Variants in GOLM2 observed in about 807,000 individuals in gnomAD.
GOLM2 encodes golgi membrane protein 2, also known as protein GOLM2.
GOLM2 carries 26 observed loss-of-function variants against 55.9 expected under a neutral mutation model. The ratio of observed to expected loss-of-function variants is 0.47; its 90% CI spans 0.34 to 0.65. GOLM2 has a LOEUF of 0.65. Among genes scored for constraint, GOLM2 ranks in the 30% least tolerant of loss-of-function variants. GOLM2 has a pLI of 0.01. For synonymous variants in GOLM2, 165 were observed against 194.6 expected, an observed-to-expected ratio of 0.85 and a Z score of 1.27; for missense variants, 486 against 531.8, an observed-to-expected ratio of 0.91 and a Z score of 0.85.
intron 3 of GOLM2, among the ~76,000 whole-genome samples, chr15:44,329,144 G>A (rs2079004499): frequency 6.6e-6 from 1 of 152,196 alleles, no homozygotes; most frequent in Non-Finnish European, 1.5e-5. Flanking sequence ...AACCAGCACT[G>A]GGAGATGTTC....
At chr15:44,322,894 G>T (rs1341540583) in intron 1 of GOLM2, 71 bp from the exon 2 acceptor site, 23 of 1,057,352 alleles carry the variant, frequency 2.2e-5, no homozygotes, top group Non-Finnish European at 3.1e-5. Context: ...CAAGCTCAAA[G>T]TGAATATGAA....
chr15:44,384,607 C>T (rs566235423), intron 8 of GOLM2, among the ~76,000 whole-genome samples: 28 of 152,212 alleles, frequency 1.8e-4, no homozygotes, highest in African/African-American at 6.0e-4. Context: ...ATTAGCCGGG[C>T]GTGGTGGCGG....
At chr15:44,408,822 G>A (rs922489762) in intron 9 of GOLM2, among the ~76,000 whole-genome samples, 1 of 152,112 alleles carries the variant, frequency 6.6e-6, no homozygotes, top group Non-Finnish European at 1.5e-5. Flanking sequence ...AATTCAGCCC[G>A]GAGTGGCGGC....
At chr15:44,316,205 G>A (rs1270056348) in intron 1 of GOLM2, among the ~76,000 whole-genome samples, 1 of 152,154 alleles carries the variant, frequency 6.6e-6, no homozygotes, top group Non-Finnish European at 1.5e-5. Context: ...TAGAAGATAA[G>A]CATATTCCTA....
chr15:44,398,770 G>A (rs1244278241), intron 8 of GOLM2, among the ~76,000 whole-genome samples: 2 of 148,554 alleles, frequency 1.3e-5, no homozygotes, highest in African/African-American at 5.0e-5. Context: ...GGGTTCAAGC[G>A]ATTCTCCTGC....
At chr15:44,294,112 G>A (rs1216688808) in intron 1 of GOLM2, among the ~76,000 whole-genome samples, 1 of 152,156 alleles carries the variant, frequency 6.6e-6, no homozygotes, top group African/African-American at 2.4e-5. Flanking sequence ...GTGCCAGAAA[G>A]TACAGAGAAT....
At chr15:44,320,244 A>G (rs2078940004) in intron 1 of GOLM2, among the ~76,000 whole-genome samples, 1 of 152,060 alleles carries the variant, frequency 6.6e-6, no homozygotes, top group South Asian at 2.1e-4. Context: ...TCCATATTTT[A>G]TCATGTTCTA....
At chr15:44,371,799 G>A (rs1372718593) in intron 6 of GOLM2, among the ~76,000 whole-genome samples, 1 of 152,090 alleles carries the variant, frequency 6.6e-6, no homozygotes, top group African/African-American at 2.4e-5. Context: ...TCAATAAATT[G>A]ATTAGTTTTA....
intron 3 of GOLM2, among the ~76,000 whole-genome samples, chr15:44,330,906 C>G (rs1216280092): frequency 6.6e-6 from 1 of 152,112 alleles, no homozygotes; most frequent in Non-Finnish European, 1.5e-5. Flanking sequence ...TTCCCCATAG[C>G]CCTACCAAAT....
chr15:44,335,194 A>G (rs2079048516), intron 4 of GOLM2, among the ~76,000 whole-genome samples: 1 of 152,172 alleles, frequency 6.6e-6, no homozygotes, highest in African/African-American at 2.4e-5. Context: ...CAAATGTATC[A>G]TGGTAATTAT....
At chr15:44,346,605 T>G (rs1372627203) in intron 6 of GOLM2, among the ~76,000 whole-genome samples, 1 of 152,232 alleles carries the variant, frequency 6.6e-6, no homozygotes, top group Non-Finnish European at 1.5e-5. Flanking sequence ...TAGTTACCTG[T>G]GGCTAAAGGC....
At chr15:44,347,041 A>G (rs1383098193) in intron 6 of GOLM2, among the ~76,000 whole-genome samples, 1 of 151,992 alleles carries the variant, frequency 6.6e-6, no homozygotes, top group Non-Finnish European at 1.5e-5. Context: ...GGAGGATCAC[A>G]TGAGCCCAGG....
chr15:44,369,521 C>T (rs1275232596), intron 6 of GOLM2, among the ~76,000 whole-genome samples: 1 of 151,876 alleles, frequency 6.6e-6, no homozygotes, highest in Non-Finnish European at 1.5e-5. Flanking sequence ...GCTGAATCTC[C>T]AGCTGTTTAA....
chr15:44,411,426 A>G (rs1373901001), intron 9 of GOLM2, among the ~76,000 whole-genome samples: 1 of 152,272 alleles, frequency 6.6e-6, no homozygotes, highest in African/African-American at 2.4e-5. Context: ...TTAGATTCCA[A>G]TGTATGACTT....
chr15:44,372,605 C>T (rs976751047), intron 6 of GOLM2, among the ~76,000 whole-genome samples: 1 of 152,118 alleles, frequency 6.6e-6, no homozygotes, highest in Non-Finnish European at 1.5e-5. Context: ...CTGTCATGAG[C>T]TTTTTGTTTC....
At chr15:44,307,831 C>G (rs2078849241) in intron 1 of GOLM2, 1 of 152,126 alleles carries the variant, frequency 6.6e-6, no homozygotes, top group Non-Finnish European at 1.5e-5. Context: ...AAAAGGTGAT[C>G]TTTAGTAATT....
At chr15:44,290,783 TTGTTG>T (rs1384278731) in intron 1 of GOLM2, among the ~76,000 whole-genome samples, 2 of 152,170 alleles carry the variant, frequency 1.3e-5, no homozygotes, top group African/African-American at 2.4e-5. Context: ...ATTGGACTTT[TTGTTG>T]TTGTCGTTGT....
intron 4 of GOLM2, among the ~76,000 whole-genome samples, chr15:44,333,713 C>T (rs2079038216): frequency 6.6e-6 from 1 of 151,746 alleles, no homozygotes; most frequent in Non-Finnish European, 1.5e-5. Flanking sequence ...AGTTTGCTCT[C>T]TTCTATTCTC....
chr15:44,330,208 T>TA (rs746756627), intron 3 of GOLM2, among the ~76,000 whole-genome samples: 4,617 of 81,372 alleles, frequency 0.057, 290 homozygotes, highest in African/African-American at 0.12. Flanking sequence ...CTTGTCTCTT[T>TA]AAAAAAAAAA....
Sources: gnomAD v4.1 joint callset for allele counts (sites outside exome capture counted in the v4.1 genomes callset) on GRCh38, gnomAD v4.1.1 for gene constraint, MANE v1.5 for transcripts, NCBI Gene and HGNC (gene_info 2026-07-23, HGNC 2026-07-21) for gene names.